Variants in PJA2 observed in about 807,000 individuals in gnomAD.
PJA2 encodes E3 ubiquitin-protein ligase Praja-2.
In PJA2, 25 loss-of-function variants were observed where a neutral mutation model predicts 69.3. The observed-to-expected ratio is 0.36, with a 90% confidence interval of 0.26 to 0.50. The LOEUF is 0.50. Ranked by LOEUF, PJA2 falls within the 20% of genes least tolerant of loss-of-function variation. The pLI, the probability that PJA2 is intolerant of heterozygous loss-of-function variation, is 0.96. For synonymous variants in PJA2, 308 were observed against 277.8 expected (o/e 1.11, Z -1.08); for missense variants, 809 against 830.2 (o/e 0.97, Z 0.31).
intron 4 of PJA2, among the ~76,000 whole-genome samples, chr5:109,372,290 C>T (rs1389304580): frequency 4.6e-5 from 7 of 152,214 alleles, no homozygotes; most frequent in Non-Finnish European, 8.8e-5. Flanking sequence ...TTGCATCCAA[C>T]TCAAGAATGC....
chr5:109,375,947 T>C (rs1027965041), intron 4 of PJA2, among the ~76,000 whole-genome samples: 1 of 152,098 alleles, frequency 6.6e-6, no homozygotes, highest in African/African-American at 2.4e-5. Flanking sequence ...TGTTCAGAAA[T>C]AGAATAATCT....
intron 7 of PJA2, among the ~76,000 whole-genome samples, chr5:109,354,580 A>T (rs868171608): frequency 4.5e-5 from 5 of 110,796 alleles, no homozygotes; most frequent in Non-Finnish European, 8.5e-5. Context: ...ATATCTATAG[A>T]TATCTATATC....
At chr5:109,405,751 T>C (rs1365160565) in intron 1 of PJA2, among the ~76,000 whole-genome samples, 2 of 152,214 alleles carry the variant, frequency 1.3e-5, no homozygotes, top group African/African-American at 4.8e-5. Context: ...ATGGATAATG[T>C]GCCTTGACAT....
chr5:109,337,931 A>T (rs563818514), intron 9 of PJA2, among the ~76,000 whole-genome samples: 1 of 152,170 alleles, frequency 6.6e-6, no homozygotes, highest in Admixed American at 6.5e-5. Context: ...CTAAGCCATG[A>T]CATTTCTTTC....
intron 6 of PJA2, among the ~76,000 whole-genome samples, chr5:109,358,141 G>C (rs1762445786): frequency 6.6e-6 from 1 of 152,198 alleles, no homozygotes; most frequent in Non-Finnish European, 1.5e-5. Context: ...TGATGGCCAT[G>C]ATGGCCATAA....
At chr5:109,396,747 G>A (rs1357020480) in intron 1 of PJA2, among the ~76,000 whole-genome samples, 2 of 92,534 alleles carry the variant, frequency 2.2e-5, no homozygotes, top group East Asian at 3.4e-4. Context: ...TCTAACCATC[G>A]CAAGACCAAA....
intron 5 of PJA2, 71 bp downstream of exon 5, chr5:109,368,490 C>A (rs1028980457): frequency 6.7e-6 from 9 of 1,347,232 alleles, no homozygotes; most frequent in Admixed American, 2.2e-5. Context: ...AATGGCATAT[C>A]CAACATTTGA....
intron 9 of PJA2, among the ~76,000 whole-genome samples, chr5:109,342,720 G>A (rs1252334172): frequency 6.9e-5 from 8 of 116,450 alleles, no homozygotes; most frequent in Middle Eastern, 5.2e-3. Context: ...CAGCCCCCCC[G>A]CCCGGCCAGC....
intron 1 of PJA2, among the ~76,000 whole-genome samples, chr5:109,399,988 A>C (rs1343135312): frequency 6.6e-6 from 1 of 152,142 alleles, no homozygotes; most frequent in African/African-American, 2.4e-5. Flanking sequence ...GGAAGCTTTT[A>C]GTGAGCTCAA....
intron 1 of PJA2, among the ~76,000 whole-genome samples, chr5:109,398,640 G>C (rs532946127): frequency 7.7e-6 from 1 of 130,548 alleles, no homozygotes; most frequent in South Asian, 3.0e-4. Context: ...GGGTGGGGGA[G>C]GGGGGAGGGA....
rs576057624 is a variant in PJA2 at position 109,408,537 on chromosome 5, C to CA, written c.-88+1304dup. Among the ~76,000 whole-genome samples the CA allele has an allele frequency of 3.6e-3, 518 of 144,676 alleles. 1 individual carries two copies. Among genetic ancestry groups the CA allele is most frequent in the African/African-American group, 8.4e-3 (336 of 39,856 alleles). The allele number at this position is 144,676 out of a possible 152,430, so 94.9% of individuals were successfully genotyped here. ...GTTTGGTATATGGTATAGCCTCCCT[C>CA]AAAAAAAAAAACTTTACGTGTACTT... On this transcript the variant is annotated intron_variant, in intron 1 of 9. Coordinates refer to ENST00000361189, the MANE Select transcript of PJA2 (RefSeq NM_014819.5).
intron 5 of PJA2, among the ~76,000 whole-genome samples, chr5:109,363,930 T>A (rs569672138): frequency 6.6e-6 from 1 of 152,146 alleles, no homozygotes; most frequent in East Asian, 1.9e-4. Context: ...GTCAGGCAGA[T>A]CACTTGAGGC....
chr5:109,392,412 T>A (rs948360947), intron 1 of PJA2, among the ~76,000 whole-genome samples: 9 of 151,504 alleles, frequency 5.9e-5, no homozygotes, highest in African/African-American at 2.2e-4. Flanking sequence ...AATACAAAAA[T>A]TTGCCGCGCA....
chr5:109,400,288 CAAAA>C (rs552298335), intron 1 of PJA2, among the ~76,000 whole-genome samples: 1 of 111,214 alleles, frequency 9.0e-6, no homozygotes. Context: ...GAGACTGTCT[CAAAA>C]AAAAAAAAAG....
At chr5:109,401,274 ACT>A (rs1055330700) in intron 1 of PJA2, among the ~76,000 whole-genome samples, 6 of 152,000 alleles carry the variant, frequency 3.9e-5, no homozygotes, top group South Asian at 2.1e-4. Flanking sequence ...ACAGAGTGAG[ACT>A]CTGTCTCAAA....
intron 4 of PJA2, among the ~76,000 whole-genome samples, chr5:109,370,110 A>G (rs1762652586): frequency 1.3e-5 from 2 of 151,656 alleles, no homozygotes; most frequent in Non-Finnish European, 2.9e-5. Context: ...ACAATTAACT[A>G]CTCTTAGTTT....
chr5:109,356,464 G>T (rs1762414494), intron 6 of PJA2, among the ~76,000 whole-genome samples: 1 of 151,952 alleles, frequency 6.6e-6, no homozygotes, highest in Non-Finnish European at 1.5e-5. Flanking sequence ...TTCAAATTTG[G>T]GATGCTCAAC....
chr5:109,389,034 T>TA (rs1261240757), intron 1 of PJA2, among the ~76,000 whole-genome samples: 4 of 152,230 alleles, frequency 2.6e-5, no homozygotes, highest in African/African-American at 9.6e-5. Flanking sequence ...TCCATGTTGG[T>TA]CACAATACAT....
At chr5:109,397,184 C>G (rs1747434173) in intron 1 of PJA2, among the ~76,000 whole-genome samples, 1 of 152,218 alleles carries the variant, frequency 6.6e-6, no homozygotes, top group African/African-American at 2.4e-5. Flanking sequence ...ACTAAACCCA[C>G]TGGCACCTTG....
Sources: gnomAD v4.1 joint callset for allele counts (sites outside exome capture counted in the v4.1 genomes callset) on GRCh38, gnomAD v4.1.1 for gene constraint, MANE v1.5 for transcripts, NCBI Gene and HGNC (gene_info 2026-07-23, HGNC 2026-07-21) for gene names.